Variants in TBL1X observed in about 807,000 individuals in gnomAD.
The protein encoded by TBL1X is F-box-like/WD repeat-containing protein TBL1X.
TBL1X carries 10 observed loss-of-function variants against 50.7 expected under a neutral mutation model. That is an observed-to-expected ratio of 0.20 (90% CI 0.12 to 0.33). The LOEUF (loss-of-function observed/expected upper bound fraction) is 0.33. Ranked by LOEUF, TBL1X falls within the 10% of genes least tolerant of loss-of-function variation. TBL1X has a pLI of 1.00. For synonymous variants in TBL1X, 190 were observed against 214.7 expected (o/e 0.88, Z 1.01); for missense variants, 340 against 504.4 (o/e 0.67, Z 3.12).
intron 1 of TBL1X, among the ~76,000 whole-genome samples, chrX:9,500,545 G>A (rs1045599418): frequency 1.1e-4 from 12 of 112,017 alleles, no homozygotes; most frequent in African/African-American, 3.6e-4. Flanking sequence ...GCAATGAGCC[G>A]AGACTGCGCC....
chrX:9,470,784 A>T (rs1463106257), intron 1 of TBL1X, among the ~76,000 whole-genome samples: 1 of 110,543 alleles, frequency 9.0e-6, no homozygotes, highest in Non-Finnish European at 1.9e-5. Flanking sequence ...ACAGGCATGC[A>T]CCACCATGCC....
intron 3 of TBL1X, among the ~76,000 whole-genome samples, chrX:9,647,591 C>A (rs2082811775): frequency 8.9e-6 from 1 of 112,091 alleles, no homozygotes; most frequent in African/African-American, 3.2e-5. Context: ...TATTTTAGAA[C>A]TGGAGAAATT....
At chrX:9,603,349 G>A (rs368350611) in intron 2 of TBL1X, among the ~76,000 whole-genome samples, 6 of 112,143 alleles carry the variant, frequency 5.4e-5, no homozygotes, top group Admixed American at 1.9e-4. Context: ...ACACAATAAC[G>A]ATTATACTGT....
At chrX:9,691,542 T>TG in intron 7 of TBL1X, 37 bp from the exon 8 acceptor site, 1 of 1,200,912 alleles carries the variant, frequency 8.3e-7, no homozygotes, top group Non-Finnish European at 1.1e-6. Context: ...TCTCTTGTAT[T>TG]GGTAAGCCAC....
intron 8 of TBL1X, 143 bp downstream of exon 8, chrX:9,691,854 CT>C: frequency 1.1e-6 from 1 of 870,459 alleles, no homozygotes; most frequent in Non-Finnish European, 1.6e-6. Flanking sequence ...ATGGGTGGCT[CT>C]ATGAGCCACT....
At chrX:9,645,653 G>A (rs1006751366) in intron 3 of TBL1X, among the ~76,000 whole-genome samples, 1 of 112,122 alleles carries the variant, frequency 8.9e-6, no homozygotes, top group African/African-American at 3.2e-5. Context: ...AAATATAACC[G>A]TAAAACTAAT....
At chrX:9,593,731 A>G (rs1209065934) in intron 2 of TBL1X, among the ~76,000 whole-genome samples, 1 of 108,209 alleles carries the variant, frequency 9.2e-6, no homozygotes, top group African/African-American at 3.4e-5. Flanking sequence ...CTTCCGCCCC[A>G]CTTCCCCATT....
intron 2 of TBL1X, among the ~76,000 whole-genome samples, chrX:9,617,278 G>A (rs1207881498): frequency 1.8e-5 from 2 of 111,151 alleles, no homozygotes; most frequent in Non-Finnish European, 3.8e-5. Context: ...TGCTCCCCTT[G>A]CCCACCGTCC....
chrX:9,492,894 T>TGTGTGTGTGTGG (rs796965171), intron 1 of TBL1X, among the ~76,000 whole-genome samples: 12 of 24,171 alleles, frequency 5.0e-4, no homozygotes, highest in East Asian at 2.6e-3. Context: ...TGTGTGTGTG[T>TGTGTGTGTGTGG]GTGTAGGGGA....
At position 9,619,066 on chromosome X, in the gene TBL1X, T is replaced by C. The variant is rs930452603; in HGVS notation, c.-130-21207T>C. ...TTAACCTTGGGCTTTCTCAGGACTC[T>C]AGAATATGAATGATCACTGTTAACT... On this transcript the variant is annotated intron_variant, in intron 2 of 17. Transcript: ENST00000645353. Among the ~76,000 whole-genome samples, 3 of 112,210 alleles carry C rather than the reference T, an allele frequency of 2.7e-5. No homozygotes were observed. In the Admixed American group the frequency reaches 2.8e-4, roughly 11 times the overall value.
chrX:9,542,962 C>T (rs780282288), intron 2 of TBL1X, among the ~76,000 whole-genome samples: 2 of 111,801 alleles, frequency 1.8e-5, no homozygotes, highest in South Asian at 7.6e-4. Context: ...TCCCCTGCCA[C>T]GTGTCACCAT....
chrX:9,502,518 A>G (rs1385638183), intron 2 of TBL1X, among the ~76,000 whole-genome samples: 1 of 111,796 alleles, frequency 8.9e-6, no homozygotes, highest in Non-Finnish European at 1.9e-5. Context: ...TTCTTCCCAT[A>G]CATGTAGAAC....
intron 6 of TBL1X, among the ~76,000 whole-genome samples, chrX:9,684,556 C>T (rs1411411217): frequency 3.3e-5 from 3 of 90,927 alleles, no homozygotes; most frequent in Admixed American, 1.5e-4. Flanking sequence ...TGCACCAGTA[C>T]ACTCCAGCCT....
intron 1 of TBL1X, among the ~76,000 whole-genome samples, chrX:9,493,093 C>A (rs2081955760): frequency 9.0e-6 from 1 of 111,364 alleles, no homozygotes; most frequent in African/African-American, 3.3e-5. Context: ...TTATCAGTGC[C>A]ATAGGGCAGA....
intron 1 of TBL1X, among the ~76,000 whole-genome samples, chrX:9,499,015 A>G (rs2146948295): frequency 9.0e-6 from 1 of 111,687 alleles, no homozygotes; most frequent in African/African-American, 3.3e-5. Context: ...GGCTTCCTTG[A>G]TTCAGAGAGC....
rs186562009 is a variant in TBL1X, at chrX:9,489,750, A to G, written c.-200-12030A>G. 3.6e-5 allele frequency among the ~76,000 whole-genome samples: 4 copies of G among 111,758 alleles called. No homozygotes were observed. In the East Asian group the frequency reaches 1.1e-3, roughly 32 times the overall value. On this transcript the variant is annotated intron_variant, in intron 1 of 17. Coordinates refer to ENST00000645353, the MANE Select transcript of TBL1X (RefSeq NM_005647.4). ...CAGCCTCCACGGGTTGGGGAGGGCT[A>G]TTCTAGTCTGAAAGCCCTGAAAAGT...
chrX:9,697,211 C>G (rs1303261447), intron 11 of TBL1X, among the ~76,000 whole-genome samples, 158 bp from the exon 12 acceptor site: 1 of 112,296 alleles, frequency 8.9e-6, no homozygotes, highest in Non-Finnish European at 1.9e-5. Flanking sequence ...AATGTGGATC[C>G]CAGAAAATTG....
intron 2 of TBL1X, among the ~76,000 whole-genome samples, chrX:9,621,098 C>A (rs1458388811): frequency 9.0e-6 from 1 of 111,681 alleles, no homozygotes; most frequent in Non-Finnish European, 1.9e-5. Flanking sequence ...GTGGAGGTCT[C>A]TGCTGTGGGC....
Position 9,660,635 on chromosome X carries a change from C to T in TBL1X, c.211+6313C>T, listed in dbSNP as rs1433482381. Among the ~76,000 whole-genome samples, 12 of 111,930 alleles carry T rather than the reference C, an allele frequency of 1.1e-4. No homozygotes were observed. In the South Asian group the frequency reaches 4.4e-3, roughly 41 times the overall value. ...TATACATTTTTCTTGCCTCCATTAA[C>T]GTCACCAAACATGGGTTATTCAGAG... is the stretch of plus-strand genomic sequence containing the variant. On this transcript the variant is annotated intron_variant, in intron 5 of 17. Coordinates refer to ENST00000645353, the MANE Select transcript of TBL1X (RefSeq NM_005647.4).
Sources: gnomAD v4.1 joint callset for allele counts (sites outside exome capture counted in the v4.1 genomes callset) on GRCh38, gnomAD v4.1.1 for gene constraint, MANE v1.5 for transcripts, NCBI Gene and HGNC (gene_info 2026-07-23, HGNC 2026-07-21) for gene names.